Variants in MCPH1 observed in about 807,000 individuals in gnomAD.
The protein encoded by MCPH1 is microcephalin 1.
Under a neutral mutation model 84.5 loss-of-function variants are expected in MCPH1, and 104 were observed. The observed-to-expected ratio is 1.23, with a 90% CI of 1.05 to 1.45. The LOEUF (loss-of-function observed/expected upper bound fraction) is 1.45, where lower values mean the gene tolerates loss of function less well. Ranked by LOEUF, MCPH1 falls within the 40% of genes most tolerant of loss-of-function variation. MCPH1 has a pLI of 0.00. For synonymous variants in MCPH1, 514 were observed against 366.8 expected (o/e 1.40, Z -4.58); for missense variants, 1,498 against 1,005.7 (o/e 1.49, Z -6.62).
rs537693611 is a variant in MCPH1, at chr8:6,647,941, G to A, written c.*4892G>A. ...CTATTTTTTTTAAAAAAAAGAGAGAGAGAGAACGAGAGCTACATGGCAGCC... is the reference window on the plus strand; with the variant it reads ...CTATTTTTTTTAAAAAAAAGAGAGAAAGAGAACGAGAGCTACATGGCAGCC... On this transcript the variant is annotated 3_prime_UTR_variant, in exon 14 of 14. Coordinates refer to ENST00000344683, the MANE Select transcript of MCPH1 (RefSeq NM_024596.5). 7.5e-4 allele frequency: 114 copies of A among 151,632 alleles called. No homozygotes were observed. Among genetic ancestry groups the A allele is most frequent in the African/African-American group, 2.6e-3 (109 of 41,386 alleles). The allele number at this position is 151,632 out of a possible 1,614,324, so 9.4% of individuals were successfully genotyped here. A position where few individuals can be genotyped will look rare whatever the true frequency, so the allele number is the denominator to read the frequency against.
intron 12 of MCPH1, among the ~76,000 whole-genome samples, chr8:6,614,935 C>T (rs1830654888): frequency 6.6e-6 from 1 of 152,102 alleles, no homozygotes. Flanking sequence ...CTCAACCCCT[C>T]CATCTGTCCT....
At chr8:6,605,596 A>G (rs1394379663) in intron 12 of MCPH1, among the ~76,000 whole-genome samples, 1 of 152,234 alleles carries the variant, frequency 6.6e-6, no homozygotes, top group East Asian at 1.9e-4. Flanking sequence ...TCTAGACTCT[A>G]AGCAGGGATG....
intron 2 of MCPH1, among the ~76,000 whole-genome samples, chr8:6,414,198 A>G (rs2440441): frequency 0.97 from 148,052 of 152,238 alleles, 72,121 homozygotes; most frequent in East Asian, 1. Flanking sequence ...AGTAGAGACA[A>G]GGTTTCACCA....
intron 12 of MCPH1, chr8:6,513,577 C>T (rs1395443266): frequency 3.5e-6 from 3 of 853,848 alleles, no homozygotes; most frequent in Non-Finnish European, 3.5e-6. Context: ...TCGTGATCTG[C>T]CCACCTCGGC....
chr8:6,562,851 G>A, intron 12 of MCPH1: 1 of 1,613,448 alleles, frequency 6.2e-7, no homozygotes. Context: ...TCTTTCCTAT[G>A]CTGTCCATGC....
chr8:6,569,937 G>A (rs377161016), intron 12 of MCPH1, among the ~76,000 whole-genome samples: 18 of 152,128 alleles, frequency 1.2e-4, no homozygotes, highest in African/African-American at 4.3e-4. Flanking sequence ...TGTGGACCTC[G>A]GGCATCTGAG....
Position 6,602,330 on chromosome 8 carries a change from A to G in MCPH1, c.2215-19124A>G, listed in dbSNP as rs115591539. On this transcript the variant is annotated intron_variant, in intron 12 of 13. Transcript: ENST00000344683. ...GTCCTTGCATTCTGTGCGGATTTCT[A>G]TGGCAATGACATGGAGGGAAATGAA... Among the ~76,000 whole-genome samples the G allele has an allele frequency of 2.6e-3, 391 of 152,336 alleles. 1 individual carries two copies. The highest frequency in any genetic ancestry group is 8.8e-3 in the African/African-American group (366 of 41,580).
At chr8:6,406,991 C>G in intron 1 of MCPH1, 3 of 448,170 alleles carry the variant, frequency 6.7e-6, no homozygotes, top group South Asian at 6.3e-5. Flanking sequence ...TGCTTGTGCC[C>G]CAACCCCCGT....
At chr8:6,450,803 C>T (rs1210085203) in intron 8 of MCPH1, among the ~76,000 whole-genome samples, 1 of 152,042 alleles carries the variant, frequency 6.6e-6, no homozygotes. Flanking sequence ...AGTGCAGTGA[C>T]ATGATCGCAG....
intron 9 of MCPH1, among the ~76,000 whole-genome samples, chr8:6,465,118 G>A (rs1380423258): frequency 6.6e-6 from 1 of 152,188 alleles, no homozygotes; most frequent in African/African-American, 2.4e-5. Context: ...CTTACTATCT[G>A]CACCGTTTGC....
chr8:6,446,522 A>G (rs1804400337), intron 8 of MCPH1: 2 of 984,256 alleles, frequency 2.0e-6, no homozygotes, highest in Non-Finnish European at 2.4e-6. Context: ...CCTGCTATTT[A>G]TATCTTGGCT....
intron 13 of MCPH1, among the ~76,000 whole-genome samples, chr8:6,639,848 G>T (rs906515411): frequency 1.3e-5 from 2 of 151,856 alleles, no homozygotes; most frequent in Non-Finnish European, 2.9e-5. Flanking sequence ...TTTAACCATT[G>T]GGAGGTACTG....
intron 3 of MCPH1, among the ~76,000 whole-genome samples, chr8:6,418,352 T>A (rs1392437834): frequency 6.6e-6 from 1 of 152,202 alleles, no homozygotes; most frequent in Non-Finnish European, 1.5e-5. Context: ...TTCTTTTTCT[T>A]TTATTTCCCT....
intron 3 of MCPH1, among the ~76,000 whole-genome samples, chr8:6,417,756 T>A (rs1799523662): frequency 6.6e-6 from 1 of 152,240 alleles, no homozygotes; most frequent in Admixed American, 6.5e-5. Context: ...TATAAATAGT[T>A]GTCTTAATGA....
chr8:6,428,444 T>C (rs1801371484), intron 3 of MCPH1, among the ~76,000 whole-genome samples: 1 of 152,068 alleles, frequency 6.6e-6, no homozygotes, highest in Admixed American at 6.6e-5. Flanking sequence ...ATTCACAGAG[T>C]TGTGCAACCG....
intron 8 of MCPH1, among the ~76,000 whole-genome samples, chr8:6,454,337 C>A (rs1805440736): frequency 6.6e-6 from 1 of 152,184 alleles, no homozygotes; most frequent in Non-Finnish European, 1.5e-5. Context: ...CTGGCAGGTT[C>A]TAGTACCCCC....
chr8:6,414,895 C>G lies in MCPH1; in HGVS notation c.233+12C>G, dbSNP rs753706147. The G allele has an allele frequency of 6.2e-7, 1 of 1,612,600 alleles. No homozygotes were observed. Among genetic ancestry groups the G allele is most frequent in the African/African-American group, 1.3e-5 (1 of 74,888 alleles). ...CTCTGGGTGGAAAAGTAAGCAGTTT[C>G]TCTCTTACTTTTTTTCCTTAAGTAT... On this transcript the variant is annotated intron_variant, in intron 3 of 13. Transcript: ENST00000344683.
At chr8:6,615,658 CT>C (rs951081194) in intron 12 of MCPH1, 2 of 152,168 alleles carry the variant, frequency 1.3e-5, no homozygotes, top group African/African-American at 4.8e-5. Flanking sequence ...GTACAGTTGA[CT>C]TTTTTGTATA....
intron 8 of MCPH1, among the ~76,000 whole-genome samples, chr8:6,453,396 C>CTTT (rs11459930): frequency 1.4e-5 from 2 of 147,398 alleles, no homozygotes; most frequent in African/African-American, 2.5e-5. Context: ...CAATATCAGT[C>CTTT]TTTTTTTTTT....
Sources: gnomAD v4.1 joint callset for allele counts (sites outside exome capture counted in the v4.1 genomes callset) on GRCh38, gnomAD v4.1.1 for gene constraint, MANE v1.5 for transcripts, NCBI Gene and HGNC (gene_info 2026-07-23, HGNC 2026-07-21) for gene names.